RNF213: variants seen among roughly 807,000 people sequenced by gnomAD.
RNF213 encodes E3 ubiquitin-protein ligase RNF213.
Under a neutral mutation model 514.4 loss-of-function variants are expected in RNF213, and 341 were observed. That is an observed-to-expected ratio of 0.66 (90% CI 0.61 to 0.73). RNF213 has a LOEUF of 0.73. Ranked by LOEUF, RNF213 falls within the 30% of genes least tolerant of loss-of-function variation. The probability of loss-of-function intolerance (pLI) is 0.00; values close to 1 mark genes in which losing one functional copy is unlikely to be tolerated. For missense variants in RNF213, 5,767 were observed against 6,615.6 expected (o/e 0.87, Z 4.45); for synonymous variants, 2,655 against 2,658.2 (o/e 1.00, Z 0.04).
At chr17:80,284,114 C>G (rs2044389434) in intron 3 of RNF213, among the ~76,000 whole-genome samples, 3 of 151,782 alleles carry the variant, frequency 2.0e-5, no homozygotes, top group Admixed American at 2.0e-4. Flanking sequence ...AATCCCAGCA[C>G]TTTGGGAGGC....
chr17:80,283,236 CGAGAAGTAA>C (rs1356619700), intron 3 of RNF213, among the ~76,000 whole-genome samples: 1 of 152,088 alleles, frequency 6.6e-6, no homozygotes, highest in Non-Finnish European at 1.5e-5. Flanking sequence ...CAGTCCTCAC[CGAGAAGTAA>C]GTGGTCCCTA....
At chr17:80,349,621 A>G (rs1206426524) in intron 29 of RNF213, 149 bp from the exon 30 acceptor site, 2 of 951,148 alleles carry the variant, frequency 2.1e-6, no homozygotes, top group African/African-American at 3.2e-5. Flanking sequence ...GTGTTTTGGG[A>G]AACTCCTTTG....
Position 80,390,016 on chromosome 17 carries a change from C to T in RNF213, c.15290C>T (p.Pro5097Leu), listed in dbSNP as rs767514563. 1.5e-5 allele frequency: 24 copies of T among 1,614,112 alleles called. No individual in the cohort carries two copies. Among genetic ancestry groups the T allele is most frequent in the Non-Finnish European group, 2.0e-5 (24 of 1,180,052 alleles). Residue 5097 changes from proline (P) to leucine (L), a missense_variant, in exon 67 of 68, where the codon CCA becomes CTA. Physicochemically the swap from Pro to Leu is moderately conservative, Grantham distance 98. Around this residue, in one of 13 missense-constraint regions of RNF213, gnomAD observed 1,245 missense variants for 1,339.0 expected, o/e 0.93. Transcript: ENST00000582970. The stretch of plus-strand genomic sequence containing the variant: ...TTTGCTCTTCCGTCGTTTTAGGAGC[C>T]ATTTGGGGAAATCAGTTCAAGGTAC... ...SEQLLRLHKE[P>L]FGEISSRYKA... is the part of the protein sequence containing the mutation.
In RNF213 at chr17:80,383,945, G is replaced by A. The variant is rs749322052; in HGVS notation, c.14322+17G>A. Reference sequence around the variant, plus strand: ...CTGCAGAAGGTATGTCTGGCTTACTGTGGCTCCCTCCCTCTTTCGGTGCAG... The same window carrying A: ...CTGCAGAAGGTATGTCTGGCTTACTATGGCTCCCTCCCTCTTTCGGTGCAG... On this transcript the variant is annotated intron_variant, in intron 59 of 67. Coordinates refer to ENST00000582970, the MANE Select transcript of RNF213 (RefSeq NM_001256071.3). 1.9e-6 allele frequency: 3 copies of A among 1,614,142 alleles called. No individual in the cohort carries two copies. Among genetic ancestry groups the A allele is most frequent in the Non-Finnish European group, 2.5e-6 (3 of 1,180,028 alleles).
At chr17:80,382,113 C>T (rs935672906) in intron 57 of RNF213, 11 of 257,920 alleles carry the variant, frequency 4.3e-5, no homozygotes, top group Non-Finnish European at 6.2e-5. Flanking sequence ...CCACACAGAG[C>T]GTGCGTGTCA....
chr17:80,377,009 A>C lies in RNF213; in HGVS notation c.13510+46A>C, dbSNP rs1306570295. ...GACCCCACACTCCTTTGAGCTTCAAAGGGTGTCCAGATGCTATGAAGCATT... is the reference window on the plus strand; with the variant it reads ...GACCCCACACTCCTTTGAGCTTCAACGGGTGTCCAGATGCTATGAAGCATT... On this transcript the variant is annotated intron_variant, in intron 53 of 67. Coordinates refer to ENST00000582970, the MANE Select transcript of RNF213 (RefSeq NM_001256071.3). This position sits in a 1 kb window ranked among gnomAD's most constrained non-coding sequence, Gnocchi z 4.1. 1 of 1,451,094 alleles carries C rather than the reference A, an allele frequency of 6.9e-7. No individual in the cohort carries two copies. The highest frequency in any genetic ancestry group is 1.2e-5 in the South Asian group (1 of 86,118). The allele number at this position is 1,451,094 out of a possible 1,614,324, so 89.9% of individuals were successfully genotyped here.
rs2046440569 is a variant in RNF213 at position 80,332,414 on chromosome 17, A to T, written c.3926A>T (p.Asp1309Val). 6.5e-7 allele frequency: 1 copy of T among 1,537,064 alleles called. No homozygotes were observed. ...GCAGAGATTGATGTCATCTTCAAGG[A>T]CTTTGTGAATAAATACACGGACCTG... ...TLAEIDVIFK[D>V]FVNKYTDLDS... Residue 1309 changes from aspartate to valine, a missense_variant, in exon 21 of 68, where the codon GAC (aspartate) becomes GTC (valine). Physicochemically the swap from Asp to Val is radical, Grantham distance 152 (BLOSUM62 -3). Coordinates refer to ENST00000582970, the MANE Select transcript of RNF213 (RefSeq NM_001256071.3).
In RNF213 at chr17:80,264,384, C is replaced by T. The variant is rs575652855; in HGVS notation, c.97+606C>T. ...CGGGAGGCCAGTGGAGAGACAGGAG[C>T]GGGGCAGTGTCAGGCGGGCCTTGCC... On this transcript the variant is annotated intron_variant, in intron 2 of 67. Transcript: ENST00000582970. This position sits in a 1 kb window ranked among gnomAD's most constrained non-coding sequence, Gnocchi z 5.0. Among the ~76,000 whole-genome samples the T allele has an allele frequency of 1.9e-3, 289 of 152,154 alleles. No individual in the cohort carries two copies. Among genetic ancestry groups the T allele is most frequent in the Non-Finnish European group, 3.2e-3 (215 of 67,978 alleles).
In RNF213 at chr17:80,379,625, C is replaced by T; in HGVS notation, c.13551C>T (p.Gly4517=). The T allele has an allele frequency of 1.9e-6, 3 of 1,614,094 alleles. No homozygotes were observed. The highest frequency in any genetic ancestry group is 1.7e-4 in the Middle Eastern group (1 of 6,060). ...GTGCCCTGTCTTCACCCTAGTGTGG[C>T]AGGCCGATGGAACAGAGCATCTGCA... is the stretch of plus-strand genomic sequence containing the variant. ...NGHPCSVGEC[G]RPMEQSICID... Residue 4517 remains glycine (G), a synonymous_variant, in exon 55 of 68, where the codon GGC becomes GGT. Transcript: ENST00000582970.
chr17:80,383,769 C>G lies in RNF213; in HGVS notation c.14163C>G (p.Asp4721Glu). 1 of 1,614,132 alleles carries G rather than the reference C, an allele frequency of 6.2e-7. No homozygotes were observed. Among genetic ancestry groups the G allele is most frequent in the Non-Finnish European group, 8.5e-7 (1 of 1,180,024 alleles). ...CTGTGGCCAAAATAATATATGGTGA[C>G]CCAGTGACCTTCCTGCCCCACCTGC... ...SNPVAKIIYGDPVTFLPHLPR... is the reference protein window; with the variant it reads ...SNPVAKIIYGEPVTFLPHLPR... The change falls in exon 59 of 68, where the codon GAC (aspartate) becomes GAG (glutamate). Residue 4721 changes from aspartate to glutamate, a missense_variant. Around this residue, in one of 13 missense-constraint regions of RNF213, gnomAD observed 1,245 missense variants for 1,339.0 expected, o/e 0.93. Coordinates refer to ENST00000582970, the MANE Select transcript of RNF213 (RefSeq NM_001256071.3).
At position 80,363,831 on chromosome 17, in the gene RNF213, G is replaced by A. The variant is rs139250788; in HGVS notation, c.11750+41G>A. ...CCTCACCCACTGCTTCATCTGGCGC[G>A]CGCTCACCAGGAGCCTGCCAAGTGC... On this transcript the variant is annotated intron_variant, in intron 41 of 67. Coordinates refer to ENST00000582970, the MANE Select transcript of RNF213 (RefSeq NM_001256071.3). The A allele has an allele frequency of 3.6e-4, 577 of 1,587,816 alleles. 4 individuals carry two copies. The East Asian group carries it at 0.012, about 34-fold the overall frequency.
Position 80,344,800 on chromosome 17 carries a change from T to A in RNF213, c.6465T>A (p.Asp2155Glu). The change falls in exon 29 of 68, where the codon GAT becomes GAA. Residue 2155 changes from aspartate (D) to glutamate (E), a missense_variant. Transcript: ENST00000582970. ...ALRSDTEPGM[D>E]LWEFCSETFQ... ...GGAGTGACACAGAGCCTGGGATGGATCTGTGGGAGTTCTGCAGCGAAACTT... is the reference window on the plus strand; with the variant it reads ...GGAGTGACACAGAGCCTGGGATGGAACTGTGGGAGTTCTGCAGCGAAACTT... The A allele has an allele frequency of 1.9e-6, 3 of 1,614,096 alleles. No homozygotes were observed. The highest frequency in any genetic ancestry group is 2.5e-6 in the Non-Finnish European group (3 of 1,180,014).
intron 42 of RNF213, 60 bp from the exon 43 acceptor site, chr17:80,367,688 C>A: frequency 1.4e-6 from 2 of 1,400,654 alleles, no homozygotes; most frequent in South Asian, 1.2e-5. Flanking sequence ...CTCTGTCGCC[C>A]GGCCTGGCCG....
intron 62 of RNF213, 89 bp downstream of exon 62, chr17:80,386,519 T>C: frequency 6.7e-7 from 1 of 1,490,540 alleles, no homozygotes; most frequent in South Asian, 1.1e-5. Context: ...TTCAGCCCCT[T>C]CCCTAACAGA....
Position 80,389,311 on chromosome 17 carries a change from A to C in RNF213, c.15139A>C (p.Asn5047His). The C allele has an allele frequency of 6.2e-7, 1 of 1,614,172 alleles. No homozygotes were observed. Among genetic ancestry groups the C allele is most frequent in the Non-Finnish European group, 8.5e-7 (1 of 1,180,018 alleles). Residue 5047 changes from asparagine (N) to histidine (H), a missense_variant, in exon 65 of 68, where the codon AAT becomes CAT. Physicochemically the swap from Asn to His is moderately conservative, Grantham distance 68. This residue lies in a region of RNF213 where 1,245 missense variants were observed against 1,339.0 expected (regional missense o/e 0.93). Transcript: ENST00000582970. ...TAGGDPNMQL[N>H]VYTQDILQMG... ...TGGTGGGGATCCAAACATGCAGCTG[A>C]ATGTGTATACTCAAGACATCCTGCA...
At chr17:80,351,659 G>A (rs201009778) in intron 31 of RNF213, 26 bp from the exon 32 acceptor site, 11 of 1,181,130 alleles carry the variant, frequency 9.3e-6, no homozygotes, top group Non-Finnish European at 1.4e-5. Context: ...TTTAAAATAG[G>A]TATTCTTTTT....
chr17:80,357,692 A>G lies in RNF213; in HGVS notation c.10863-596A>G, dbSNP rs146608792. 4.9e-4 allele frequency among the ~76,000 whole-genome samples: 75 copies of G among 152,364 alleles called. 1 individual carries two copies. The South Asian group carries it at 8.1e-3, about 16-fold the overall frequency. Reference sequence around the variant, plus strand: ...TGCAGCCTTGCAAAAAATAAAGCAGATAAGTGCGGTGGCTCACACCTGTAA... The same window carrying G: ...TGCAGCCTTGCAAAAAATAAAGCAGGTAAGTGCGGTGGCTCACACCTGTAA... On this transcript the variant is annotated intron_variant, in intron 36 of 67. Coordinates refer to ENST00000582970, the MANE Select transcript of RNF213 (RefSeq NM_001256071.3).
chr17:80,319,387 G>A (rs1173740669), intron 17 of RNF213, 75 bp downstream of exon 17: 1 of 1,614,230 alleles, frequency 6.2e-7, no homozygotes, highest in Admixed American at 1.7e-5. Flanking sequence ...TAAGGGCTAT[G>A]AAGCACCCGC....
chr17:80,349,082 T>C (rs11150856), intron 29 of RNF213, among the ~76,000 whole-genome samples: 18,853 of 151,854 alleles, frequency 0.12, 1,297 homozygotes, highest in Non-Finnish European at 0.15. Context: ...GCAGGGCCAA[T>C]ACCACCACCC....
Sources: gnomAD v4.1 joint callset for allele counts (sites outside exome capture counted in the v4.1 genomes callset) on GRCh38, gnomAD v4.1.1 for gene constraint, gnomAD v4.1.1 regional missense constraint, Gnocchi (gnomAD v3.1) non-coding constraint, MANE v1.5 for transcripts, NCBI Gene and HGNC (gene_info 2026-07-23, HGNC 2026-07-21) for gene names.